The following MTERF3 variants were observed in gnomAD, a reference collection of about 807,000 sequenced individuals.
MTERF3 encodes the protein transcription termination factor 3, mitochondrial.
In MTERF3, 40 loss-of-function variants were observed where a neutral mutation model predicts 40.5. The ratio of observed to expected loss-of-function variants is 0.99; its 90% CI spans 0.77 to 1.29. The LOEUF (loss-of-function observed/expected upper bound fraction) is 1.29, where lower values mean the gene tolerates loss of function less well. Among genes scored for constraint, MTERF3 ranks in the 50% most tolerant of loss-of-function variants. The probability of loss-of-function intolerance (pLI) is 0.00; values close to 1 mark genes in which losing one functional copy is unlikely to be tolerated. For synonymous variants in MTERF3, 158 were observed against 166.6 expected, an observed-to-expected ratio of 0.95 and a Z score of 0.40; for missense variants, 452 against 478.2, an observed-to-expected ratio of 0.95 and a Z score of 0.51.
chr8:96,248,057 CA>C (rs1045815363), intron 4 of MTERF3, among the ~76,000 whole-genome samples: 1 of 152,192 alleles, frequency 6.6e-6, no homozygotes, highest in Non-Finnish European at 1.5e-5. Flanking sequence ...CAACTGAAAG[CA>C]AAGTGTGATA....
intron 7 of MTERF3, among the ~76,000 whole-genome samples, chr8:96,240,667 T>C (rs1809911016): frequency 1.3e-5 from 2 of 152,178 alleles, no homozygotes; most frequent in African/African-American, 2.4e-5. Context: ...CCGGCCAGAC[T>C]TGAGCTACAG....
chr8:96,245,328 T>G (rs1586164285), intron 6 of MTERF3, among the ~76,000 whole-genome samples: 1 of 152,246 alleles, frequency 6.6e-6, no homozygotes, highest in Non-Finnish European at 1.5e-5. Flanking sequence ...TATCTTATTC[T>G]CTTGGAGGAA....
At position 96,243,900 on chromosome 8, in the gene MTERF3, G is replaced by C. The variant is rs1283827876; in HGVS notation, c.1059+19C>G. 1.9e-6 allele frequency: 3 copies of C among 1,612,030 alleles called. No individual in the cohort carries two copies. Among genetic ancestry groups the C allele is most frequent in the Non-Finnish European group, 2.5e-6 (3 of 1,178,674 alleles). On this transcript the variant is annotated intron_variant, in intron 7 of 7. Transcript: ENST00000287025. ...AGCGCAATGGCAGCGCTTACAGAGAGAGCTGTGAGTGGCATTACCTGTGGG... is the reference window on the plus strand; with the variant it reads ...AGCGCAATGGCAGCGCTTACAGAGACAGCTGTGAGTGGCATTACCTGTGGG...
At position 96,244,047 on chromosome 8, in the gene MTERF3, C is replaced by T. The variant is rs778548567; in HGVS notation, c.931G>A (p.Glu311Lys). Reference sequence around the variant, plus strand: ...ATTCTGGTGATCATATGTTGAATTTCGTTATGTTTAAAACCAAGTTCAAGA... The same window carrying T: ...ATTCTGGTGATCATATGTTGAATTTTGTTATGTTTAAAACCAAGTTCAAGA... ...YRLELGFKHN[E>K]IQHMITRIPK... Residue 311 changes from glutamate (E) to lysine (K), a missense_variant, in exon 7 of 8, where the codon GAA becomes AAA. By Grantham distance (56) the Glu-to-Lys change is moderately conservative (BLOSUM62 1). Coordinates refer to ENST00000287025, the MANE Select transcript of MTERF3 (RefSeq NM_015942.5). 8 of 1,613,350 alleles carry T rather than the reference C, an allele frequency of 5.0e-6. No homozygotes were observed. The highest frequency in any genetic ancestry group is 2.2e-5 in the South Asian group (2 of 91,038).
At chr8:96,247,313 A>G (rs1810040125) in intron 4 of MTERF3, among the ~76,000 whole-genome samples, 1 of 152,160 alleles carries the variant, frequency 6.6e-6, no homozygotes, top group African/African-American at 2.4e-5. Flanking sequence ...CAGTCTTTCA[A>G]TATGTATTTT....
intron 7 of MTERF3, among the ~76,000 whole-genome samples, chr8:96,242,860 C>T (rs1446963849): frequency 6.6e-6 from 1 of 152,166 alleles, no homozygotes; most frequent in Non-Finnish European, 1.5e-5. Context: ...ATGTGTAGCA[C>T]TGATGGATGC....
intron 2 of MTERF3, 56 bp downstream of exon 2, chr8:96,258,301 C>T: frequency 6.6e-7 from 1 of 1,509,374 alleles, no homozygotes. Flanking sequence ...AAACAGGTAG[C>T]TTGTTCAAAT....
chr8:96,256,866 T>C, intron 3 of MTERF3, 96 bp downstream of exon 3: 3 of 1,110,196 alleles, frequency 2.7e-6, no homozygotes, highest in Non-Finnish European at 3.6e-6. Flanking sequence ...CTTATGTTTG[T>C]ATACTACTTA....
At chr8:96,259,600 C>G (rs1001942821) in intron 1 of MTERF3, among the ~76,000 whole-genome samples, 16 of 152,124 alleles carry the variant, frequency 1.1e-4, no homozygotes, top group Admixed American at 2.6e-4. Flanking sequence ...TATAATCTTA[C>G]GTTAAATAAC....
intron 4 of MTERF3, among the ~76,000 whole-genome samples, chr8:96,248,140 A>G (rs1332017854): frequency 3.3e-5 from 5 of 152,226 alleles, no homozygotes; most frequent in Admixed American, 1.3e-4. Flanking sequence ...AAACTGGAAA[A>G]CAACCCCTAT....
At chr8:96,249,054 G>A (rs1327750042) in intron 4 of MTERF3, among the ~76,000 whole-genome samples, 7 of 152,318 alleles carry the variant, frequency 4.6e-5, no homozygotes, top group South Asian at 4.1e-4. Flanking sequence ...CTACCGACGT[G>A]AGAATATTCC....
chr8:96,258,575 T>G lies in MTERF3; in HGVS notation c.116A>C (p.His39Pro). The G allele has an allele frequency of 6.2e-7, 1 of 1,614,158 alleles. No individual in the cohort carries two copies. The stretch of plus-strand genomic sequence containing the variant: ...TATCTGAGGCTGAGCAGAAAAGCCA[T>G]GTAACAGTGTTCTTGCTGGTCTAGT... ...RFTRPARTLL[H>P]GFSAQPQISS... The change falls in exon 2 of 8, where the codon CAT becomes CCT. Residue 39 changes from histidine to proline, a missense_variant. Physicochemically the swap from His to Pro is moderately conservative, Grantham distance 77 (BLOSUM62 -2). Transcript: ENST00000287025.
Position 96,256,968 on chromosome 8 carries a change from G to A in MTERF3, c.481C>T (p.Leu161Phe), listed in dbSNP as rs1411861939. 1.2e-6 allele frequency: 2 copies of A among 1,600,092 alleles called. No individual in the cohort carries two copies. The highest frequency in any genetic ancestry group is 1.3e-5 in the African/African-American group (1 of 74,178). ...GTAGTTTAGTCAAACTTACCTAGAA[G>A]AACCAACTTCTGCAGAGTCTCAGAA... ...DHSETLQKLVLLGVDLSKIEK... is the reference protein window; with the variant it reads ...DHSETLQKLVFLGVDLSKIEK... Residue 161 changes from leucine to phenylalanine, a missense_variant, in exon 3 of 8, where the codon CTT (leucine) becomes TTT (phenylalanine). By Grantham distance (22) the Leu-to-Phe change is conservative. Coordinates refer to ENST00000287025, the MANE Select transcript of MTERF3 (RefSeq NM_015942.5).
intron 2 of MTERF3, chr8:96,257,321 A>G (rs1810299282): frequency 2.5e-6 from 1 of 395,136 alleles, no homozygotes; most frequent in Non-Finnish European, 4.4e-6. Context: ...CTGAGATTAG[A>G]AATTTGTTGG....
intron 1 of MTERF3, among the ~76,000 whole-genome samples, chr8:96,261,232 G>A (rs1006296292): frequency 6.6e-6 from 1 of 152,236 alleles, no homozygotes; most frequent in African/African-American, 2.4e-5. Flanking sequence ...ATACTTCCCA[G>A]GCCATTTTAG....
intron 1 of MTERF3, among the ~76,000 whole-genome samples, chr8:96,260,407 T>C (rs1203570693): frequency 7.0e-6 from 1 of 143,780 alleles, no homozygotes; most frequent in Non-Finnish European, 1.5e-5. Flanking sequence ...CAAGGCTGTT[T>C]CTGGCAGCAG....
At chr8:96,258,765 T>A in intron 1 of MTERF3, 65 bp from the exon 2 acceptor site, 1 of 1,159,464 alleles carries the variant, frequency 8.6e-7, no homozygotes. Flanking sequence ...TTTAAAACGG[T>A]ATTCAAACAA....
chr8:96,245,894 G>C lies in MTERF3; in HGVS notation c.863C>G (p.Thr288Ser), dbSNP rs767808032. The change falls in exon 6 of 8, where the codon ACT becomes AGT. Residue 288 changes from threonine (T) to serine (S), a missense_variant. By Grantham distance (58) the Thr-to-Ser change is moderately conservative. Transcript: ENST00000287025. ...TTCTTTCACGGGTTCCAGACTTCCA[G>C]TTAGCAGCCTTGGGAGACGAACTAC... The part of the protein sequence containing the change: ...DLVVRLPRLL[T>S]GSLEPVKENM... The C allele has an allele frequency of 1.1e-5, 17 of 1,613,904 alleles. No homozygotes were observed. In the South Asian group the frequency reaches 1.5e-4, roughly 15 times the overall value.
chr8:96,255,479 A>G (rs1385928224), intron 3 of MTERF3, among the ~76,000 whole-genome samples: 2 of 152,084 alleles, frequency 1.3e-5, no homozygotes, highest in Admixed American at 6.6e-5. Context: ...TCTCTACTAA[A>G]AATACAAAAA....
Sources: gnomAD v4.1 joint callset for allele counts (sites outside exome capture counted in the v4.1 genomes callset) on GRCh38, gnomAD v4.1.1 for gene constraint, MANE v1.5 for transcripts, NCBI Gene and HGNC (gene_info 2026-07-23, HGNC 2026-07-21) for gene names.